The following RGL1 variants were observed in gnomAD, a reference collection of about 807,000 sequenced individuals.
RGL1 encodes ral guanine nucleotide dissociation stimulator-like 1.
Under a neutral mutation model 95.2 loss-of-function variants are expected in RGL1, and 24 were observed. The observed-to-expected ratio is 0.25, with a 90% CI of 0.18 to 0.35. RGL1 has a LOEUF of 0.35. Among genes scored for constraint, RGL1 ranks in the 10% least tolerant of loss-of-function variants. RGL1 has a pLI of 1.00. For missense variants in RGL1, 715 were observed against 936.3 expected (o/e 0.76, Z 3.08); for synonymous variants, 329 against 344.9 (o/e 0.95, Z 0.51).
chr1:183,644,252 T>C (rs146238716), intron 1 of RGL1, among the ~76,000 whole-genome samples: 31 of 152,350 alleles, frequency 2.0e-4, no homozygotes, highest in Admixed American at 6.5e-4. Context: ...GCTCAGCCTT[T>C]TTTTACTACT....
At chr1:183,735,585 T>A (rs1472903164) in intron 1 of RGL1, among the ~76,000 whole-genome samples, 1 of 152,132 alleles carries the variant, frequency 6.6e-6, no homozygotes, top group African/African-American at 2.4e-5. Flanking sequence ...CTTATATAGA[T>A]AGACTTGAAA....
At chr1:183,883,690 C>T (rs1666949111) in intron 5 of RGL1, 96 bp from the exon 6 acceptor site, 3 of 1,402,404 alleles carry the variant, frequency 2.1e-6, no homozygotes, top group African/African-American at 1.4e-5. Flanking sequence ...GAGGATTGGC[C>T]CTCTTCTTCC....
At chr1:183,822,240 T>C (rs112925512) in intron 2 of RGL1, among the ~76,000 whole-genome samples, 192 of 152,316 alleles carry the variant, frequency 1.3e-3, no homozygotes, top group African/African-American at 4.5e-3. Flanking sequence ...GGAAGAAATG[T>C]AAACCATGTG....
intron 1 of RGL1, among the ~76,000 whole-genome samples, chr1:183,669,159 G>A (rs1188786196): frequency 6.6e-6 from 1 of 151,916 alleles, no homozygotes; most frequent in African/African-American, 2.4e-5. Context: ...GGCCAGGATG[G>A]TCTCAATCTC....
At chr1:183,698,810 G>A (rs1224406970) in intron 1 of RGL1, among the ~76,000 whole-genome samples, 1 of 152,096 alleles carries the variant, frequency 6.6e-6, no homozygotes, top group African/African-American at 2.4e-5. Flanking sequence ...ATTTTCAGTT[G>A]CTTTCCTATG....
intron 15 of RGL1, 101 bp downstream of exon 15, chr1:183,912,369 G>C: frequency 1.0e-6 from 1 of 980,704 alleles, no homozygotes; most frequent in Admixed American, 2.8e-5. Context: ...TCACTCTATA[G>C]TATTTTGAAA....
chr1:183,870,240 C>T (rs1558261082), intron 4 of RGL1, among the ~76,000 whole-genome samples: 1 of 152,206 alleles, frequency 6.6e-6, no homozygotes, highest in African/African-American at 2.4e-5. Context: ...GTGACTGCTA[C>T]GTAGTACCTG....
At chr1:183,796,134 T>C (rs369419719) in intron 2 of RGL1, among the ~76,000 whole-genome samples, 292 of 151,912 alleles carry the variant, frequency 1.9e-3, no homozygotes, top group African/African-American at 6.5e-3. Context: ...ATTCCTACTA[T>C]AAGCCAATGA....
At chr1:183,801,465 T>C (rs1362327013), upstream of RGL1, among the ~76,000 whole-genome samples, 2 of 152,152 alleles carry the variant, frequency 1.3e-5, no homozygotes, top group Admixed American at 1.3e-4. Flanking sequence ...ACTCTATTGA[T>C]TGTTTCATTT....
chr1:183,850,094 T>G (rs1448312232), intron 3 of RGL1, among the ~76,000 whole-genome samples: 1 of 152,220 alleles, frequency 6.6e-6, no homozygotes, highest in African/African-American at 2.4e-5. Context: ...GCTTCTTGTT[T>G]TTGAATTTGT....
At chr1:183,669,347 C>A (rs1468721930) in intron 1 of RGL1, among the ~76,000 whole-genome samples, 1 of 152,082 alleles carries the variant, frequency 6.6e-6, no homozygotes, top group Non-Finnish European at 1.5e-5. Flanking sequence ...TCTGTGATTT[C>A]TTTTTTGCTT....
At chr1:183,676,037 C>T (rs1430697281) in intron 1 of RGL1, among the ~76,000 whole-genome samples, 2 of 152,080 alleles carry the variant, frequency 1.3e-5, no homozygotes, top group African/African-American at 2.4e-5. Flanking sequence ...GTCCCAACTA[C>T]TCAGGAGGCT....
At chr1:183,893,914 A>T (rs1269907120) in intron 9 of RGL1, among the ~76,000 whole-genome samples, 1 of 152,126 alleles carries the variant, frequency 6.6e-6, no homozygotes, top group East Asian at 1.9e-4. Context: ...GCATGAATTG[A>T]TGGGTCTTAT....
chr1:183,734,629 A>C (rs1656820620), intron 1 of RGL1, among the ~76,000 whole-genome samples: 1 of 152,116 alleles, frequency 6.6e-6, no homozygotes, highest in South Asian at 2.1e-4. Context: ...TGGTTTTTGC[A>C]TTTTGCCTTC....
chr1:183,859,326 A>C (rs993626020), intron 3 of RGL1, among the ~76,000 whole-genome samples: 1 of 152,208 alleles, frequency 6.6e-6, no homozygotes, highest in African/African-American at 2.4e-5. Flanking sequence ...AACATACTTA[A>C]ATAATTTTAA....
At chr1:183,849,958 A>T (rs1664729019) in intron 3 of RGL1, among the ~76,000 whole-genome samples, 1 of 152,182 alleles carries the variant, frequency 6.6e-6, no homozygotes, top group Non-Finnish European at 1.5e-5. Flanking sequence ...TGCACCAGTG[A>T]CATTCCTGTC....
chr1:183,890,090 C>T (rs568740645), intron 8 of RGL1, among the ~76,000 whole-genome samples: 3 of 152,238 alleles, frequency 2.0e-5, no homozygotes, highest in Admixed American at 1.3e-4. Context: ...ACCTCCACTT[C>T]ACCTCTTCTT....
intron 1 of RGL1, among the ~76,000 whole-genome samples, chr1:183,729,382 A>G (rs1656499032): frequency 1.3e-5 from 2 of 152,186 alleles, no homozygotes; most frequent in Non-Finnish European, 2.9e-5. Context: ...ATTCATCATT[A>G]GGGAAATGAA....
chr1:183,739,058 T>C (rs1657125874), intron 1 of RGL1, among the ~76,000 whole-genome samples: 2 of 152,192 alleles, frequency 1.3e-5, no homozygotes, highest in South Asian at 4.1e-4. Flanking sequence ...AAGTTTAAGG[T>C]AGCAACAGCA....
Sources: allele counts gnomAD v4.1 joint callset (sites outside exome capture counted in the v4.1 genomes callset), GRCh38; gene constraint gnomAD v4.1.1; transcripts MANE v1.5; gene names NCBI Gene and HGNC (gene_info 2026-07-23, HGNC 2026-07-21).